Variants in ZC3H12B observed in about 807,000 individuals in gnomAD.
ZC3H12B encodes zinc finger CCCH-type containing 12B.
ZC3H12B carries 7 observed loss-of-function variants against 43.9 expected under a neutral mutation model. That is an observed-to-expected ratio of 0.16 (90% CI 0.09 to 0.30). The LOEUF (loss-of-function observed/expected upper bound fraction) is 0.30. Ranked by LOEUF, ZC3H12B falls within the 10% of genes least tolerant of loss-of-function variation. The probability of loss-of-function intolerance (pLI) is 1.00; values close to 1 mark genes in which losing one functional copy is unlikely to be tolerated. For synonymous variants in ZC3H12B, 222 were observed against 241.7 expected (o/e 0.92, Z 0.76); for missense variants, 475 against 670.2 (o/e 0.71, Z 3.22).
the ZC3H12B span, among the ~76,000 whole-genome samples, chrX:65,078,521 A>G: frequency 9.8e-5 from 11 of 112,105 alleles, no homozygotes; most frequent in African/African-American, 3.6e-4. Context: ...GGCATAATCA[A>G]TTGTCACAAA....
At chrX:65,374,078 CTA>C (rs771021279) in intron 2 of ZC3H12B, among the ~76,000 whole-genome samples, 2 of 50,588 alleles carry the variant, frequency 4.0e-5, no homozygotes, top group African/African-American at 2.0e-4. Context: ...GTATATATAA[CTA>C]TATATAGTAT....
the ZC3H12B span, among the ~76,000 whole-genome samples, chrX:65,143,218 G>A: frequency 1.2e-4 from 13 of 110,767 alleles, no homozygotes; most frequent in Non-Finnish European, 2.5e-4. Context: ...GCTCTTTCAC[G>A]TTCTTGGTTA....
the ZC3H12B span, among the ~76,000 whole-genome samples, chrX:65,230,974 A>C: frequency 8.9e-6 from 1 of 112,297 alleles, no homozygotes; most frequent in Non-Finnish European, 1.9e-5. Flanking sequence ...AATAACTTTA[A>C]CAATTTGTTA....
the ZC3H12B span, among the ~76,000 whole-genome samples, chrX:65,213,859 T>G: frequency 9.3e-6 from 1 of 107,323 alleles, no homozygotes; most frequent in African/African-American, 3.4e-5. Context: ...CACTATAAAG[T>G]AAATCATTTG....
chrX:65,344,127 G>A, the ZC3H12B span, among the ~76,000 whole-genome samples: 1 of 112,173 alleles, frequency 8.9e-6, no homozygotes, highest in African/African-American at 3.2e-5. Flanking sequence ...TAACCAGGGA[G>A]TTGAAAGATT....
At chrX:65,211,634 T>G in the ZC3H12B span, among the ~76,000 whole-genome samples, 1 of 95,856 alleles carries the variant, frequency 1.0e-5, no homozygotes, top group Non-Finnish European at 2.0e-5. Flanking sequence ...AACTTAAAAT[T>G]ATAATTATGC....
At chrX:65,477,391 A>T (rs1286834959) in intron 3 of ZC3H12B, among the ~76,000 whole-genome samples, 1 of 111,336 alleles carries the variant, frequency 9.0e-6, no homozygotes, top group Non-Finnish European at 1.9e-5. Flanking sequence ...ACACACACAC[A>T]CACACAACAG....
At chrX:65,371,290 CATA>C (rs896712513) in intron 2 of ZC3H12B, among the ~76,000 whole-genome samples, 2 of 111,708 alleles carry the variant, frequency 1.8e-5, no homozygotes, top group Non-Finnish European at 3.8e-5. Flanking sequence ...ATTTGAGTCT[CATA>C]ATAATGACAA....
At chrX:65,055,400 A>G in the ZC3H12B span, among the ~76,000 whole-genome samples, 1 of 111,625 alleles carries the variant, frequency 9.0e-6, no homozygotes, top group Non-Finnish European at 1.9e-5. Context: ...ACTGATTTGC[A>G]TATGTTGAAC....
intron 3 of ZC3H12B, among the ~76,000 whole-genome samples, chrX:65,442,657 A>T (rs1403766935): frequency 8.9e-6 from 1 of 112,400 alleles, no homozygotes; most frequent in Non-Finnish European, 1.9e-5. Context: ...AAGCTCGAGT[A>T]AGAGTGTCCC....
intron 2 of ZC3H12B, among the ~76,000 whole-genome samples, chrX:65,371,931 C>T (rs966661865): frequency 1.8e-5 from 2 of 111,268 alleles, no homozygotes; most frequent in African/African-American, 6.5e-5. Context: ...TTTCACTAAC[C>T]TCCAACCAAA....
chrX:65,238,302 A>G, the ZC3H12B span, among the ~76,000 whole-genome samples: 5 of 111,437 alleles, frequency 4.5e-5, no homozygotes, highest in South Asian at 7.5e-4. Flanking sequence ...TAGGGATTCA[A>G]CGTCTTTCTC....
At chrX:65,218,330 A>G in the ZC3H12B span, among the ~76,000 whole-genome samples, 4 of 112,382 alleles carry the variant, frequency 3.6e-5, no homozygotes, top group African/African-American at 1.3e-4. Context: ...CCTTTGAAGG[A>G]AGTGGATTGC....
At chrX:65,057,713 G>C in the ZC3H12B span, among the ~76,000 whole-genome samples, 1 of 111,734 alleles carries the variant, frequency 8.9e-6, no homozygotes, top group African/African-American at 3.3e-5. Flanking sequence ...GTCACTTTCA[G>C]GTACACCAAT....
chrX:65,321,642 A>G, the ZC3H12B span, among the ~76,000 whole-genome samples: 220 of 110,549 alleles, frequency 2.0e-3, no homozygotes, highest in African/African-American at 7.0e-3. Context: ...GAGACGTGGA[A>G]TCAACCTAAA....
At chrX:65,489,108 G>A (rs779555934) in exon 1 of ZC3H12B, 1 of 1,210,379 alleles carries the variant, frequency 8.3e-7, no homozygotes, top group East Asian at 3.0e-5. Context: ...TGGTAAACTT[G>A]ACTTGGAGAA....
chrX:65,047,116 C>T, the ZC3H12B span, among the ~76,000 whole-genome samples: 2 of 111,214 alleles, frequency 1.8e-5, no homozygotes, highest in Non-Finnish European at 3.8e-5. Flanking sequence ...GTAAGAGAGA[C>T]ATGAAGTGAG....
the ZC3H12B span, among the ~76,000 whole-genome samples, chrX:65,257,330 A>C: frequency 9.0e-6 from 1 of 111,647 alleles, no homozygotes; most frequent in South Asian, 3.8e-4. Flanking sequence ...GGAAACCATC[A>C]TTCTGAGCAT....
At chrX:65,183,332 C>A in the ZC3H12B span, among the ~76,000 whole-genome samples, 3 of 111,591 alleles carry the variant, frequency 2.7e-5, no homozygotes, top group African/African-American at 6.5e-5. Context: ...GCAAATACCA[C>A]GTGTTCTAAC....
Sources: gnomAD v4.1 joint callset for allele counts (sites outside exome capture counted in the v4.1 genomes callset) on GRCh38, gnomAD v4.1.1 for gene constraint, MANE v1.5 for transcripts, NCBI Gene and HGNC (gene_info 2026-07-23, HGNC 2026-07-21) for gene names.